SLC41A2: variants seen among roughly 807,000 people sequenced by gnomAD.
SLC41A2 encodes SLC41A1-like 1.
Under a neutral mutation model 58.3 loss-of-function variants are expected in SLC41A2, and 32 were observed. The ratio of observed to expected loss-of-function variants is 0.55; its 90% confidence interval spans 0.41 to 0.74. The LOEUF is 0.74. Ranked by LOEUF, SLC41A2 falls within the 30% of genes least tolerant of loss-of-function variation. SLC41A2 has a pLI of 0.00. For missense variants in SLC41A2, 514 were observed against 680.6 expected (o/e 0.76, Z 2.72); for synonymous variants, 190 against 235.0 (o/e 0.81, Z 1.75).
At chr12:104,876,188 G>A (rs552743012) in intron 6 of SLC41A2, among the ~76,000 whole-genome samples, 6 of 151,444 alleles carry the variant, frequency 4.0e-5, no homozygotes, top group African/African-American at 1.5e-4. Flanking sequence ...CTAAGGCTTT[G>A]TCACTCTTAT....
intron 8 of SLC41A2, among the ~76,000 whole-genome samples, chr12:104,853,195 AAT>A (rs1197432932): frequency 1.5e-4 from 23 of 152,350 alleles, no homozygotes; most frequent in African/African-American, 2.6e-4. Flanking sequence ...TAAATTTAGA[AAT>A]ATATGTTTCC....
Position 104,845,878 on chromosome 12 carries a change from C to T in SLC41A2, c.1352G>A (p.Gly451Asp). ...IPGELPDEPK[G>D]CYYPFRTFFG... ...GAAAGTTCTAAATGGGTAGTAACAA[C>T]CTTTGGGTTCATCAGGCAATTCTCC... Residue 451 changes from glycine to aspartate, a missense_variant, in exon 9 of 11, where the codon GGT (glycine) becomes GAT (aspartate). Coordinates refer to ENST00000258538, the MANE Select transcript of SLC41A2 (RefSeq NM_001352171.3). 2.5e-6 allele frequency: 4 copies of T among 1,613,832 alleles called. No individual in the cohort carries two copies. Among genetic ancestry groups the T allele is most frequent in the South Asian group, 1.1e-5 (1 of 91,048 alleles).
chr12:104,953,702 C>T (rs1439517470), intron 1 of SLC41A2, among the ~76,000 whole-genome samples: 2 of 152,138 alleles, frequency 1.3e-5, no homozygotes, highest in Admixed American at 1.3e-4. Context: ...CTCAGTTCTC[C>T]AATCCAGCTT....
At chr12:104,957,875 G>C (rs967557862) in intron 1 of SLC41A2, among the ~76,000 whole-genome samples, 18 of 151,992 alleles carry the variant, frequency 1.2e-4, no homozygotes, top group Non-Finnish European at 2.4e-4. Context: ...CCCGAGGTGG[G>C]GCAGGCGCGG....
intron 6 of SLC41A2, among the ~76,000 whole-genome samples, chr12:104,884,082 G>A (rs370976478): frequency 3.0e-4 from 45 of 152,148 alleles, no homozygotes; most frequent in Non-Finnish European, 2.5e-4. Context: ...CTGCCACCTC[G>A]CAGTTCCATC....
At chr12:104,849,362 A>C (rs1016226163) in intron 8 of SLC41A2, among the ~76,000 whole-genome samples, 1 of 152,222 alleles carries the variant, frequency 6.6e-6, no homozygotes, top group African/African-American at 2.4e-5. Flanking sequence ...TAATTGCAGA[A>C]ATGTGAATAA....
intron 3 of SLC41A2, among the ~76,000 whole-genome samples, chr12:104,898,701 A>G (rs1304893877): frequency 6.6e-6 from 1 of 152,090 alleles, no homozygotes; most frequent in Non-Finnish European, 1.5e-5. Flanking sequence ...CAGTATAATC[A>G]TTTTATCTAA....
chr12:104,920,925 AAAAATAAAAT>A (rs959955665), intron 2 of SLC41A2, among the ~76,000 whole-genome samples: 24 of 151,540 alleles, frequency 1.6e-4, no homozygotes, highest in Non-Finnish European at 1.9e-4. Flanking sequence ...CTCTGTCTCA[AAAAATAAAAT>A]AAAATAAAAT....
At position 104,875,743 on chromosome 12, in the gene SLC41A2, T is replaced by C. The variant is rs1031826493; in HGVS notation, c.1028-9164A>G. ...AGGAGTTCAAGGCTGCAGTGAGCTA[T>C]AATCATGCCACTGCACTCCAGCTTG... is the stretch of plus-strand genomic sequence containing the variant. On this transcript the variant is annotated intron_variant, in intron 6 of 10. Transcript: ENST00000258538. Among the ~76,000 whole-genome samples the C allele has an allele frequency of 2.0e-5, 3 of 152,120 alleles. No individual in the cohort carries two copies. In the South Asian group the frequency reaches 6.2e-4, roughly 31 times the overall value.
At chr12:104,848,452 A>C (rs1462438806) in intron 8 of SLC41A2, among the ~76,000 whole-genome samples, 1 of 152,108 alleles carries the variant, frequency 6.6e-6, no homozygotes, top group Non-Finnish European at 1.5e-5. Context: ...AGAGGGAATA[A>C]AATAAGAACA....
At chr12:104,899,571 T>G (rs1349601379) in intron 3 of SLC41A2, among the ~76,000 whole-genome samples, 1 of 152,182 alleles carries the variant, frequency 6.6e-6, no homozygotes, top group African/African-American at 2.4e-5. Context: ...GTATAGCCCT[T>G]TGAAGGTCTC....
chr12:104,918,774 T>G (rs1426682275), intron 2 of SLC41A2, among the ~76,000 whole-genome samples: 1 of 152,162 alleles, frequency 6.6e-6, no homozygotes, highest in Non-Finnish European at 1.5e-5. Context: ...CATATTACTT[T>G]TTTTAAATTA....
intron 3 of SLC41A2, among the ~76,000 whole-genome samples, chr12:104,901,905 T>C (rs921729046): frequency 6.6e-6 from 1 of 152,194 alleles, no homozygotes; most frequent in African/African-American, 2.4e-5. Flanking sequence ...TTTTAAGTTC[T>C]TTATCTTTAT....
chr12:104,874,564 T>C (rs2043957373), intron 6 of SLC41A2, among the ~76,000 whole-genome samples: 1 of 152,218 alleles, frequency 6.6e-6, no homozygotes, highest in African/African-American at 2.4e-5. Flanking sequence ...AGTTTCATTC[T>C]TTTGCATGTG....
intron 2 of SLC41A2, among the ~76,000 whole-genome samples, chr12:104,919,924 T>A (rs2046512954): frequency 6.6e-6 from 1 of 152,220 alleles, no homozygotes; most frequent in Admixed American, 6.5e-5. Flanking sequence ...CTCCTGTTTT[T>A]TCCCTAAAGG....
At chr12:104,912,213 TA>T (rs963613260) in intron 2 of SLC41A2, among the ~76,000 whole-genome samples, 1 of 152,218 alleles carries the variant, frequency 6.6e-6, no homozygotes, top group African/African-American at 2.4e-5. Flanking sequence ...GGCATACATC[TA>T]AAATCGTTAG....
At chr12:104,869,096 C>T (rs946676395) in intron 6 of SLC41A2, among the ~76,000 whole-genome samples, 7 of 152,134 alleles carry the variant, frequency 4.6e-5, no homozygotes, top group African/African-American at 1.7e-4. Context: ...AATCCCTGGG[C>T]TCAAGTGATC....
rs544329617 is a variant in SLC41A2 at position 104,932,624 on chromosome 12, C to CAAAAAAAAAA, written c.-167-3940_-167-3931dup. Among the ~76,000 whole-genome samples, 77 of 46,056 alleles carry CAAAAAAAAAA rather than the reference C, an allele frequency of 1.7e-3. 3 individuals carry two copies. The highest frequency in any genetic ancestry group is 0.012 in the East Asian group (19 of 1,568). The allele number at this position is 46,056 out of a possible 152,430, so 30.2% of individuals were successfully genotyped here. On this transcript the variant is annotated intron_variant, in intron 1 of 10. Coordinates refer to ENST00000258538, the MANE Select transcript of SLC41A2 (RefSeq NM_001352171.3). ...TGGGTGACGCAGTGAGACTTTGTCTCAAAAAAAAAAAAAAAAAAAAAAGAT... is the reference window on the plus strand; with the variant it reads ...TGGGTGACGCAGTGAGACTTTGTCTCAAAAAAAAAAAAAAAAAAAAAAAAAAAAAAAAGAT...
chr12:104,819,488 C>T lies in SLC41A2; in HGVS notation c.1537-14151G>A, dbSNP rs569372614. The stretch of plus-strand genomic sequence containing the variant: ...GTAGAATGAAAAAATATTAAAGGTA[C>T]GTACAAACATTAATAGAAAACAAAC... On this transcript the variant is annotated intron_variant, in intron 10 of 10. Transcript: ENST00000258538. Among the ~76,000 whole-genome samples, 8 of 152,032 alleles carry T rather than the reference C, an allele frequency of 5.3e-5. No individual in the cohort carries two copies. The South Asian group carries it at 8.3e-4, about 16-fold the overall frequency.
Sources: gnomAD v4.1 joint callset for allele counts (sites outside exome capture counted in the v4.1 genomes callset) on GRCh38, gnomAD v4.1.1 for gene constraint, MANE v1.5 for transcripts, NCBI Gene and HGNC (gene_info 2026-07-23, HGNC 2026-07-21) for gene names.